Variants in STAG2 observed in about 807,000 individuals in gnomAD.
The protein encoded by STAG2 is cohesin subunit SA-2.
In STAG2, 14 loss-of-function variants were observed where a neutral mutation model predicts 108.1. That is an observed-to-expected ratio of 0.13 (90% CI 0.09 to 0.20). The LOEUF (loss-of-function observed/expected upper bound fraction) is 0.20. STAG2 is among the 10% of genes least tolerant of loss of function. STAG2 has a pLI of 1.00. For synonymous variants in STAG2, 307 were observed against 302.7 expected (o/e 1.01, Z -0.15); for missense variants, 440 against 940.9 (o/e 0.47, Z 6.96).
At chrX:124,002,794 T>TTCTC (rs2056105103) in intron 1 of STAG2, among the ~76,000 whole-genome samples, 2 of 103,594 alleles carry the variant, frequency 1.9e-5, no homozygotes, top group Non-Finnish European at 3.9e-5. Flanking sequence ...TTGGCAATTT[T>TTCTC]TCTTTCTTTC....
At chrX:124,056,287 A>G (rs1472079004) in intron 14 of STAG2, 52 bp downstream of exon 14, 4 of 854,159 alleles carry the variant, frequency 4.7e-6, no homozygotes, top group African/African-American at 2.0e-5. Context: ...TCATAACAGT[A>G]ATTTGTTATG....
intron 1 of STAG2, among the ~76,000 whole-genome samples, chrX:124,001,585 A>G (rs193296560): frequency 4.8e-4 from 54 of 111,466 alleles, no homozygotes; most frequent in African/African-American, 1.4e-3. Flanking sequence ...TATCTTTTAT[A>G]TGGTATTTTT....
Position 124,066,168 on chromosome X carries a change from T to TTTTAAA in STAG2, c.2097-5_2097-4insTAAATT. The TTTTAAA allele has an allele frequency of 1.9e-6, 2 of 1,036,684 alleles. No individual in the cohort carries two copies. The highest frequency in any genetic ancestry group is 2.5e-6 in the Non-Finnish European group (2 of 786,797). The allele number at this position is 1,036,684 out of a possible 1,213,427, so 85.4% of individuals were successfully genotyped here. ...ATTTTTTTTTTTTTTTTTTTTTTTT[T>TTTTAAA]TTACAGTGCCCATGACCTTTCAAAG... On this transcript the variant is annotated splice_polypyrimidine_tract_variant and splice_region_variant and intron_variant, in intron 21 of 34. Coordinates refer to ENST00000371145, the MANE Select transcript of STAG2 (RefSeq NM_001042750.2).
chrX:124,031,130 G>C lies in STAG2; in HGVS notation c.288+5G>C. On this transcript the variant is annotated splice_donor_5th_base_variant and intron_variant, in intron 5 of 34. Coordinates refer to ENST00000371145, the MANE Select transcript of STAG2 (RefSeq NM_001042750.2). ...ATGGGCAAGAGTGCTATGCAGGTAAGATTTATGTTGTTCTTCCCAGTTCAT... is the reference window on the plus strand; with the variant it reads ...ATGGGCAAGAGTGCTATGCAGGTAACATTTATGTTGTTCTTCCCAGTTCAT... The C allele has an allele frequency of 8.4e-7, 1 of 1,197,176 alleles. No individual in the cohort carries two copies. Among genetic ancestry groups the C allele is most frequent in the East Asian group, 3.0e-5 (1 of 33,314 alleles).
chrX:124,068,768 T>C, intron 24 of STAG2, 112 bp downstream of exon 24: 1 of 473,716 alleles, frequency 2.1e-6, no homozygotes, highest in Non-Finnish European at 3.5e-6. Context: ...ATATCTTGTA[T>C]CTGCCTATGT....
chrX:124,093,519 T>A (rs1389150993), intron 32 of STAG2, among the ~76,000 whole-genome samples: 1 of 105,855 alleles, frequency 9.4e-6, no homozygotes, highest in Non-Finnish European at 1.9e-5. Context: ...AGTAGAAGCC[T>A]GTCACGTAGT....
chrX:124,060,903 G>A (rs1000403233), intron 15 of STAG2, among the ~76,000 whole-genome samples: 5 of 108,449 alleles, frequency 4.6e-5, no homozygotes, highest in Non-Finnish European at 7.6e-5. Flanking sequence ...CAGCCTGGGC[G>A]AGAGCGAGAC....
intron 15 of STAG2, among the ~76,000 whole-genome samples, chrX:124,059,088 G>A (rs113700363): frequency 0.18 from 19,546 of 111,070 alleles, 1,621 homozygotes; most frequent in Non-Finnish European, 0.25. Context: ...AGGCTGAGGC[G>A]GGTGGATCAC....
At chrX:124,059,856 G>C (rs1392877817) in intron 15 of STAG2, among the ~76,000 whole-genome samples, 2 of 109,748 alleles carry the variant, frequency 1.8e-5, no homozygotes, top group African/African-American at 6.7e-5. Context: ...AGACAGTAGG[G>C]GTGTCTTGTG....
At chrX:123,984,577 G>A (rs1159052569) in intron 1 of STAG2, among the ~76,000 whole-genome samples, 3 of 111,553 alleles carry the variant, frequency 2.7e-5, no homozygotes, top group Non-Finnish European at 5.6e-5. Flanking sequence ...TATATAGCAG[G>A]CTCTCAAGAA....
At chrX:124,085,312 A>G (rs1034720284) in intron 29 of STAG2, among the ~76,000 whole-genome samples, 4 of 111,368 alleles carry the variant, frequency 3.6e-5, no homozygotes, top group Non-Finnish European at 7.5e-5. Flanking sequence ...CTTATCTGTA[A>G]TGTCCTATTT....
At chrX:123,982,876 C>G (rs1334067549) in intron 1 of STAG2, among the ~76,000 whole-genome samples, 2 of 104,043 alleles carry the variant, frequency 1.9e-5, no homozygotes, top group African/African-American at 7.1e-5. Context: ...GTAGCTTTAT[C>G]TTTTTCCCTA....
chrX:124,030,074 A>C (rs2057283823), intron 4 of STAG2, among the ~76,000 whole-genome samples: 1 of 111,573 alleles, frequency 9.0e-6, no homozygotes. Context: ...GGCCTAGAAC[A>C]AGAATGAGAT....
chrX:123,997,875 A>G (rs1191677275), intron 1 of STAG2, among the ~76,000 whole-genome samples: 2 of 112,069 alleles, frequency 1.8e-5, no homozygotes, highest in Non-Finnish European at 3.8e-5. Context: ...TCCTAATCTC[A>G]GGTGATCCGC....
intron 1 of STAG2, among the ~76,000 whole-genome samples, chrX:124,002,951 C>T (rs765415443): frequency 1.0e-3 from 109 of 107,252 alleles, no homozygotes; most frequent in Non-Finnish European, 1.9e-3. Flanking sequence ...CCACTGCACC[C>T]GGCCACACCT....
chrX:124,059,370 C>T (rs1603067778), intron 15 of STAG2, among the ~76,000 whole-genome samples: 2 of 111,948 alleles, frequency 1.8e-5, no homozygotes, highest in African/African-American at 6.5e-5. Context: ...TCCAATATTT[C>T]GACATTAATT....
chrX:124,092,324 C>T (rs765880294), intron 32 of STAG2, among the ~76,000 whole-genome samples: 1 of 111,560 alleles, frequency 9.0e-6, no homozygotes, highest in East Asian at 2.8e-4. Flanking sequence ...GTTCTATCCC[C>T]TTTTGTCTGT....
intron 1 of STAG2, among the ~76,000 whole-genome samples, chrX:124,013,643 C>A (rs2056601430): frequency 9.0e-6 from 1 of 111,053 alleles, no homozygotes; most frequent in African/African-American, 3.3e-5. Flanking sequence ...AATATGGTAT[C>A]CAGTGTCTAG....
chrX:124,100,883 TAA>T lies in STAG2; in HGVS notation c.*300_*301del, dbSNP rs67492414. On this transcript the variant is annotated 3_prime_UTR_variant, in exon 35 of 35. Transcript: ENST00000371145. ...GAATCGATTATTTCATGCTTTTTTT[TAA>T]AAAAAAAAAAAAACAAAATAACAAT... The T allele has an allele frequency of 6.1e-3, 1,010 of 165,770 alleles. 4 individuals carry two copies. Among genetic ancestry groups the T allele is most frequent in the Middle Eastern group, 0.022 (11 of 506 alleles). The allele number at this position is 165,770 out of a possible 1,213,427, so 13.7% of individuals were successfully genotyped here.
Sources: gnomAD v4.1 joint callset for allele counts (sites outside exome capture counted in the v4.1 genomes callset) on GRCh38, gnomAD v4.1.1 for gene constraint, MANE v1.5 for transcripts, NCBI Gene and HGNC (gene_info 2026-07-23, HGNC 2026-07-21) for gene names.